The following FAM135B variants were observed in gnomAD, a reference collection of about 807,000 sequenced individuals.
FAM135B encodes protein FAM135B.
A neutral mutation model predicts 127.7 loss-of-function variants in FAM135B; 43 were observed. The ratio of observed to expected loss-of-function variants is 0.34; its 90% CI spans 0.26 to 0.43. The LOEUF is 0.43. Ranked by LOEUF, FAM135B falls within the 20% of genes least tolerant of loss-of-function variation. The pLI, the probability that FAM135B is intolerant of heterozygous loss-of-function variation, is 1.00. For missense variants in FAM135B, 1,558 were observed against 1,725.6 expected, an observed-to-expected ratio of 0.90 and a Z score of 1.72; for synonymous variants, 670 against 665.1, an observed-to-expected ratio of 1.01 and a Z score of -0.11.
intron 3 of FAM135B, among the ~76,000 whole-genome samples, chr8:138,293,599 A>T (rs567470169): frequency 2.0e-5 from 3 of 152,190 alleles, no homozygotes; most frequent in African/African-American, 7.2e-5. Flanking sequence ...ACGAATAGAC[A>T]TTTCTCAAAA....
At chr8:138,326,517 G>A (rs148929401) in intron 2 of FAM135B, among the ~76,000 whole-genome samples, 203 of 152,184 alleles carry the variant, frequency 1.3e-3, no homozygotes, top group African/African-American at 4.3e-3. Flanking sequence ...AAAATTTGTC[G>A]TGCAATATCA....
intron 2 of FAM135B, among the ~76,000 whole-genome samples, chr8:138,342,423 G>A (rs1288083980): frequency 3.3e-5 from 5 of 152,202 alleles, no homozygotes; most frequent in Non-Finnish European, 1.5e-5. Context: ...CAGCTGCAAA[G>A]GCAGAAGGCA....
chr8:138,207,350 A>G (rs2129767130), intron 7 of FAM135B, among the ~76,000 whole-genome samples: 1 of 151,724 alleles, frequency 6.6e-6, no homozygotes, highest in South Asian at 2.1e-4. Context: ...CTGGGATTAC[A>G]GGCTCCCATC....
intron 1 of FAM135B, among the ~76,000 whole-genome samples, chr8:138,430,818 A>C (rs1296954891): frequency 6.6e-6 from 1 of 152,190 alleles, no homozygotes; most frequent in Non-Finnish European, 1.5e-5. Context: ...AATAATTACG[A>C]AACTGTTCTT....
In FAM135B at chr8:138,141,385, C is replaced by A. The variant is rs763694848; in HGVS notation, c.3639-36G>T. The A allele has an allele frequency of 1.9e-6, 3 of 1,609,868 alleles. No homozygotes were observed. Among genetic ancestry groups the A allele is most frequent in the East Asian group, 4.5e-5 (2 of 44,864 alleles). On this transcript the variant is annotated intron_variant, in intron 16 of 19. Coordinates refer to ENST00000395297, the MANE Select transcript of FAM135B (RefSeq NM_015912.4). The surrounding 1 kb of genome is among the most constrained non-coding windows in gnomAD (Gnocchi z 4.7). ...ACAGAAGGGGTACCCATGAGTGTGACGGTGAATGCTGCTGCCCAAGAGTGC... is the reference window on the plus strand; with the variant it reads ...ACAGAAGGGGTACCCATGAGTGTGAAGGTGAATGCTGCTGCCCAAGAGTGC...
At chr8:138,188,175 C>T (rs980469155) in intron 9 of FAM135B, among the ~76,000 whole-genome samples, 1 of 152,186 alleles carries the variant, frequency 6.6e-6, no homozygotes. Context: ...TGCATCAGCA[C>T]TCTTTGCAAT....
chr8:138,318,610 C>T (rs1323191173), intron 2 of FAM135B, among the ~76,000 whole-genome samples: 2 of 152,190 alleles, frequency 1.3e-5, no homozygotes, highest in East Asian at 3.8e-4. Flanking sequence ...AAAGGGCAAC[C>T]AGGATTCTAA....
chr8:138,302,823 C>T (rs538629459), intron 3 of FAM135B, among the ~76,000 whole-genome samples: 62 of 152,346 alleles, frequency 4.1e-4, no homozygotes, highest in Non-Finnish European at 6.5e-4. Context: ...CTGTCAACAG[C>T]GCCTCATACA....
intron 1 of FAM135B, among the ~76,000 whole-genome samples, chr8:138,446,618 C>G: frequency 6.6e-6 from 1 of 152,126 alleles, no homozygotes; most frequent in East Asian, 1.9e-4. Context: ...AAAGCTGAAA[C>G]TGGATCCCTT....
chr8:138,439,300 A>C (rs560214617), intron 1 of FAM135B: 1 of 152,338 alleles, frequency 6.6e-6, no homozygotes, highest in East Asian at 1.9e-4. Flanking sequence ...AGAGAATCAT[A>C]GCACATAGGA....
In FAM135B at chr8:138,143,316, C is replaced by T. The variant is rs141332366; in HGVS notation, c.3541-207G>A. ...AAAGAAACATGGAGATGCTCAGGAA[C>T]GCTCAGCTGGGAGGGTGGCTGACAC... On this transcript the variant is annotated intron_variant, in intron 15 of 19. Transcript: ENST00000395297. 5.9e-5 allele frequency among the ~76,000 whole-genome samples: 9 copies of T among 152,280 alleles called. No individual in the cohort carries two copies. The South Asian group carries it at 1.7e-3, about 28-fold the overall frequency.
intron 7 of FAM135B, among the ~76,000 whole-genome samples, chr8:138,227,139 C>T (rs1035955188): frequency 1.3e-5 from 2 of 152,322 alleles, no homozygotes; most frequent in African/African-American, 2.4e-5. Flanking sequence ...AGGGCAGGCA[C>T]GTGACCCAAG....
intron 1 of FAM135B, among the ~76,000 whole-genome samples, chr8:138,387,384 C>T (rs1476641462): frequency 2.0e-5 from 3 of 152,100 alleles, no homozygotes; most frequent in African/African-American, 7.2e-5. Flanking sequence ...TTTGAGATGA[C>T]GGGGAGTCCA....
intron 2 of FAM135B, among the ~76,000 whole-genome samples, chr8:138,345,008 A>G (rs12546144): frequency 0.54 from 82,311 of 152,068 alleles, 23,530 homozygotes; most frequent in Non-Finnish European, 0.65. Flanking sequence ...AAGAGCAGGG[A>G]CTGTTCTGTT....
chr8:138,427,091 A>G (rs1013614246), intron 1 of FAM135B, among the ~76,000 whole-genome samples: 1 of 152,034 alleles, frequency 6.6e-6, no homozygotes, highest in African/African-American at 2.4e-5. Context: ...CTGTTCAAAA[A>G]TAGTCAAAAC....
rs1305778315 is a variant in FAM135B, at chr8:138,384,992, G to A, written c.-19-16990C>T. ...GTTTCATGCCCTCACATCGGCCAACGCAGTCTGATATAATCTGCTTCCCAG... is the reference window on the plus strand; with the variant it reads ...GTTTCATGCCCTCACATCGGCCAACACAGTCTGATATAATCTGCTTCCCAG... On this transcript the variant is annotated intron_variant, in intron 1 of 19. Transcript: ENST00000395297. Among the ~76,000 whole-genome samples the A allele has an allele frequency of 3.3e-5, 5 of 152,116 alleles. No homozygotes were observed. In the South Asian group the frequency reaches 6.2e-4, roughly 19 times the overall value.
chr8:138,418,666 T>C (rs892854998), intron 1 of FAM135B, among the ~76,000 whole-genome samples: 2 of 151,982 alleles, frequency 1.3e-5, no homozygotes, highest in Non-Finnish European at 2.9e-5. Context: ...GAAAAGAAAT[T>C]CCAGCCAAGA....
chr8:138,270,040 A>C (rs1823253587), intron 3 of FAM135B, among the ~76,000 whole-genome samples: 1 of 152,318 alleles, frequency 6.6e-6, no homozygotes, highest in East Asian at 1.9e-4. Flanking sequence ...GAGAAGGACC[A>C]GAATAATTTC....
chr8:138,240,439 C>T (rs574452981), intron 7 of FAM135B, among the ~76,000 whole-genome samples: 134 of 152,346 alleles, frequency 8.8e-4, no homozygotes, highest in African/African-American at 2.9e-3. Flanking sequence ...AGCTGCCTCC[C>T]ATTTGGTTAC....
Sources: gnomAD v4.1 joint callset for allele counts (sites outside exome capture counted in the v4.1 genomes callset) on GRCh38, gnomAD v4.1.1 for gene constraint, Gnocchi (gnomAD v3.1) non-coding constraint, MANE v1.5 for transcripts, NCBI Gene and HGNC (gene_info 2026-07-23, HGNC 2026-07-21) for gene names.